Variants in RGS7BP observed in about 807,000 individuals in gnomAD.
RGS7BP encodes the protein regulator of G protein signaling 7-binding protein.
A neutral mutation model predicts 31.3 loss-of-function variants in RGS7BP; 9 were observed. The ratio of observed to expected loss-of-function variants is 0.29; its 90% CI spans 0.17 to 0.50. RGS7BP has a LOEUF of 0.50. Ranked by LOEUF, RGS7BP falls within the 20% of genes least tolerant of loss-of-function variation. RGS7BP has a pLI of 0.98. For missense variants in RGS7BP, 274 were observed against 322.0 expected, an observed-to-expected ratio of 0.85 and a Z score of 1.14; for synonymous variants, 115 against 120.1, an observed-to-expected ratio of 0.96 and a Z score of 0.28.
intron 2 of RGS7BP, among the ~76,000 whole-genome samples, chr5:64,544,810 T>C (rs1189876175): frequency 6.6e-6 from 1 of 152,150 alleles, no homozygotes; most frequent in African/African-American, 2.4e-5. Context: ...TCTAAGGCCG[T>C]AGTAATCAAT....
chr5:64,550,457 A>C (rs1315704523), intron 2 of RGS7BP, among the ~76,000 whole-genome samples: 1 of 152,082 alleles, frequency 6.6e-6, no homozygotes, highest in Admixed American at 6.6e-5. Context: ...ACCCTCATCT[A>C]AATACCCCAT....
chr5:64,548,578 C>T (rs111888654), intron 2 of RGS7BP, among the ~76,000 whole-genome samples: 2,406 of 152,150 alleles, frequency 0.016, 53 homozygotes, highest in African/African-American at 0.054. Context: ...GGCGTGATCT[C>T]GGCTCACTGC....
intron 2 of RGS7BP, among the ~76,000 whole-genome samples, chr5:64,530,928 C>G (rs1430916908): frequency 6.6e-6 from 1 of 152,146 alleles, no homozygotes; most frequent in East Asian, 1.9e-4. Flanking sequence ...AATGCACAGT[C>G]TACATAGCTG....
At chr5:64,564,868 C>T (rs1742133448) in intron 2 of RGS7BP, among the ~76,000 whole-genome samples, 1 of 151,948 alleles carries the variant, frequency 6.6e-6, no homozygotes, top group South Asian at 2.1e-4. Context: ...GGCTATTCCT[C>T]AGAAACAGTT....
At chr5:64,598,344 G>A in intron 4 of RGS7BP, 21 bp from the exon 5 acceptor site, 1 of 1,373,482 alleles carries the variant, frequency 7.3e-7, no homozygotes, top group East Asian at 2.3e-5. Context: ...TGATTATTCT[G>A]TCTTTTTATC....
intron 2 of RGS7BP, among the ~76,000 whole-genome samples, chr5:64,514,245 A>G (rs1748914658): frequency 6.6e-6 from 1 of 151,924 alleles, no homozygotes; most frequent in African/African-American, 2.4e-5. Context: ...TAGCTTAATT[A>G]TTTACACCTG....
intron 2 of RGS7BP, among the ~76,000 whole-genome samples, chr5:64,557,397 C>A (rs1198998529): frequency 6.6e-6 from 1 of 152,168 alleles, no homozygotes; most frequent in Non-Finnish European, 1.5e-5. Context: ...CTCCCACTCT[C>A]TAATGAACGA....
intron 2 of RGS7BP, among the ~76,000 whole-genome samples, chr5:64,530,954 G>A (rs1211385791): frequency 6.6e-6 from 1 of 152,156 alleles, no homozygotes; most frequent in Non-Finnish European, 1.5e-5. Flanking sequence ...GGCTGGCCAG[G>A]ATGTTGCCCT....
chr5:64,609,351 A>G lies in RGS7BP; in HGVS notation c.*99A>G. 1.4e-6 allele frequency: 1 copy of G among 724,882 alleles called. No homozygotes were observed. The highest frequency in any genetic ancestry group is 2.5e-6 in the Non-Finnish European group (1 of 394,466). 44.9% of individuals were successfully genotyped at this position (724,882 alleles called of 1,614,324 possible). On this transcript the variant is annotated 3_prime_UTR_variant, in exon 6 of 6. Coordinates refer to ENST00000334025, the MANE Select transcript of RGS7BP (RefSeq NM_001029875.3). The stretch of plus-strand genomic sequence containing the variant: ...ACCACACAGTTATTGGTTTTTGACT[A>G]TGTTTTCTATGCTTCCTTATTACTT...
At chr5:64,606,220 A>G (rs1743361019) in intron 5 of RGS7BP, among the ~76,000 whole-genome samples, 1 of 151,958 alleles carries the variant, frequency 6.6e-6, no homozygotes, top group African/African-American at 2.4e-5. Context: ...CTTTTAATAT[A>G]TACAAAAACA....
At chr5:64,565,729 A>AAG (rs1742153336) in intron 2 of RGS7BP, among the ~76,000 whole-genome samples, 1 of 152,040 alleles carries the variant, frequency 6.6e-6, no homozygotes, top group Admixed American at 6.6e-5. Context: ...CATAAGATAA[A>AAG]CTTTTTTTTA....
chr5:64,563,054 C>G (rs1205601479), intron 2 of RGS7BP, among the ~76,000 whole-genome samples: 1 of 151,962 alleles, frequency 6.6e-6, no homozygotes, highest in Non-Finnish European at 1.5e-5. Context: ...CACCCTCTCC[C>G]TGGATCCTGA....
At chr5:64,588,386 A>G (rs923113802) in intron 3 of RGS7BP, among the ~76,000 whole-genome samples, 4 of 152,208 alleles carry the variant, frequency 2.6e-5, no homozygotes, top group African/African-American at 9.6e-5. Context: ...CCTATTCAGT[A>G]TAATGAAAAT....
chr5:64,577,820 C>G (rs1307468651), intron 3 of RGS7BP, among the ~76,000 whole-genome samples: 2 of 152,070 alleles, frequency 1.3e-5, no homozygotes, highest in East Asian at 3.9e-4. Context: ...TTTTAGTGAC[C>G]GAGTAGACAA....
At chr5:64,552,990 C>T (rs1335150996) in intron 2 of RGS7BP, among the ~76,000 whole-genome samples, 2 of 152,094 alleles carry the variant, frequency 1.3e-5, no homozygotes, top group Non-Finnish European at 2.9e-5. Flanking sequence ...TAATGGCTTC[C>T]ATGGGAGAAT....
At chr5:64,512,462 G>C (rs1748863806) in intron 2 of RGS7BP, among the ~76,000 whole-genome samples, 1 of 152,164 alleles carries the variant, frequency 6.6e-6, no homozygotes, top group Non-Finnish European at 1.5e-5. Flanking sequence ...TTCACATGTA[G>C]TATGAAGTCG....
At chr5:64,536,728 AT>A (rs1741379035) in intron 2 of RGS7BP, among the ~76,000 whole-genome samples, 1 of 152,170 alleles carries the variant, frequency 6.6e-6, no homozygotes, top group Non-Finnish European at 1.5e-5. Context: ...AGTACCAGAT[AT>A]GGACTTCTGA....
chr5:64,584,113 A>T (rs1387620490), intron 3 of RGS7BP, among the ~76,000 whole-genome samples: 2 of 152,192 alleles, frequency 1.3e-5, no homozygotes, highest in Non-Finnish European at 2.9e-5. Context: ...ACTAAGCTAC[A>T]TTGGAGAAGG....
At chr5:64,524,034 C>G (rs1045880730) in intron 2 of RGS7BP, among the ~76,000 whole-genome samples, 1 of 152,036 alleles carries the variant, frequency 6.6e-6, no homozygotes, top group Non-Finnish European at 1.5e-5. Context: ...TAAGTGAGAC[C>G]CTAAGGGGAA....
Sources: allele counts gnomAD v4.1 joint callset (sites outside exome capture counted in the v4.1 genomes callset), GRCh38; gene constraint gnomAD v4.1.1; transcripts MANE v1.5; gene names NCBI Gene and HGNC (gene_info 2026-07-23, HGNC 2026-07-21).